TTC39A: variants seen among roughly 807,000 people sequenced by gnomAD.
TTC39A encodes the protein tetratricopeptide repeat domain 39A, also known as tetratricopeptide repeat protein 39A.
In TTC39A, 46 loss-of-function variants were observed where a neutral mutation model predicts 82.3. That is an observed-to-expected ratio of 0.56 (90% confidence interval 0.44 to 0.71). The LOEUF is 0.71. TTC39A is among the 30% of genes least tolerant of loss of function. The pLI is 0.00. For missense variants in TTC39A, 543 were observed against 712.9 expected (o/e 0.76, Z 2.71); for synonymous variants, 254 against 275.2 (o/e 0.92, Z 0.76).
rs900424258 is a variant in TTC39A, at chr1:51,324,989, T to C, written c.42-3164A>G. Reference sequence around the variant, plus strand: ...CCCACATCTGTCTGGGCATGGTGGCTCATGCCTGTAATCCCAGCATTTTTG... The same window carrying C: ...CCCACATCTGTCTGGGCATGGTGGCCCATGCCTGTAATCCCAGCATTTTTG... On this transcript the variant is annotated intron_variant, in intron 1 of 17. Transcript: ENST00000680483. 4.0e-4 allele frequency among the ~76,000 whole-genome samples: 61 copies of C among 152,086 alleles called. 1 individual carries two copies. The highest frequency in any genetic ancestry group is 1.5e-3 in the African/African-American group (61 of 41,498).
At position 51,312,680 on chromosome 1, in the gene TTC39A, T is replaced by G. The variant is rs1275417605; in HGVS notation, c.278+132A>C. 5 of 1,360,454 alleles carry G rather than the reference T, an allele frequency of 3.7e-6. No homozygotes were observed. In the Admixed American group the frequency reaches 1.0e-4, roughly 27 times the overall value. The allele number at this position is 1,360,454 out of a possible 1,614,324, so 84.3% of individuals were successfully genotyped here. A position where few individuals can be genotyped will look rare whatever the true frequency, so the allele number is the denominator to read the frequency against. On this transcript the variant is annotated intron_variant, in intron 3 of 17. Transcript: ENST00000680483. ...GAGGCAGGGCCAACAGGGACAGCTC[T>G]TAGCACATGCAGACACAACCTCTTA...
intron 2 of TTC39A, among the ~76,000 whole-genome samples, chr1:51,320,413 TTTC>T (rs1445730362): frequency 8.3e-6 from 1 of 121,090 alleles, no homozygotes; most frequent in African/African-American, 3.5e-5. Flanking sequence ...TCTTTTTCTT[TTTC>T]TTTTTTTTTT....
intron 2 of TTC39A, among the ~76,000 whole-genome samples, chr1:51,319,790 A>G (rs1645425968): frequency 6.6e-6 from 1 of 151,532 alleles, no homozygotes; most frequent in Non-Finnish European, 1.5e-5. Flanking sequence ...TCCTGGGTTC[A>G]AGCGATCCTC....
At chr1:51,322,298 TCA>T in intron 1 of TTC39A, 2 of 1,429,144 alleles carry the variant, frequency 1.4e-6, no homozygotes, top group South Asian at 3.3e-5. Context: ...CAATGGGCTG[TCA>T]CACTATGGGT....
chr1:51,329,757 T>G (rs971243443), intron 1 of TTC39A: 2 of 152,386 alleles, frequency 1.3e-5, no homozygotes, highest in Admixed American at 6.5e-5. Flanking sequence ...AGCAGAGAGT[T>G]GCTGAAGGTC....
At chr1:51,318,922 G>C (rs1245065747) in intron 2 of TTC39A, among the ~76,000 whole-genome samples, 2 of 152,154 alleles carry the variant, frequency 1.3e-5, no homozygotes, top group Non-Finnish European at 2.9e-5. Flanking sequence ...GGACTAGACA[G>C]ACAGCCAGGG....
At chr1:51,295,967 C>T (rs759250058) in intron 13 of TTC39A, 112 bp downstream of exon 13, 3 of 1,230,232 alleles carry the variant, frequency 2.4e-6, no homozygotes, top group African/African-American at 3.0e-5. Context: ...CAGGGAGCCA[C>T]CCTACTCCTC....
chr1:51,343,976 C>G (rs529902479), intron 1 of TTC39A, among the ~76,000 whole-genome samples: 1 of 152,134 alleles, frequency 6.6e-6, no homozygotes, highest in South Asian at 2.1e-4. Context: ...AAGGGAGAGA[C>G]AGGAGGAGCT....
intron 1 of TTC39A, among the ~76,000 whole-genome samples, chr1:51,344,665 C>T (rs1646075323): frequency 1.3e-5 from 2 of 152,230 alleles, no homozygotes; most frequent in South Asian, 2.1e-4. Flanking sequence ...GCGCAGACGC[C>T]GCTGCCCAAA....
chr1:51,305,098 C>G lies in TTC39A; in HGVS notation c.637G>C (p.Gly213Arg), dbSNP rs759121598. Residue 213 changes from glycine to arginine, a missense_variant, in exon 8 of 18, where the codon GGG (glycine) becomes CGG (arginine). Coordinates refer to ENST00000680483, the MANE Select transcript of TTC39A (RefSeq NM_001297663.2). Reference sequence around the variant, plus strand: ...GTGGTTACCTTGTTTCCTGAAAACCCCACAAACTCCAACAGCCTCAGGATC... The same window carrying G: ...GTGGTTACCTTGTTTCCTGAAAACCGCACAAACTCCAACAGCCTCAGGATC... The part of the protein sequence containing the change: ...TRILRLLEFV[G>R]FSGNKDYGLL... 1 of 1,613,510 alleles carries G rather than the reference C, an allele frequency of 6.2e-7. No homozygotes were observed. The highest frequency in any genetic ancestry group is 1.1e-5 in the South Asian group (1 of 91,062).
chr1:51,330,362 G>A lies in TTC39A; in HGVS notation c.41+75C>T, dbSNP rs1645864577. ...CAGGCCGGTGCGCGGGGGGAGGCCT[G>A]GCGCGGCGCCCGCCACCTGCCCGGG... On this transcript the variant is annotated intron_variant, in intron 1 of 17. Coordinates refer to ENST00000680483, the MANE Select transcript of TTC39A (RefSeq NM_001297663.2). This position sits in a 1 kb window ranked among gnomAD's most constrained non-coding sequence, Gnocchi z 4.5. 4.2e-6 allele frequency: 4 copies of A among 942,204 alleles called. No individual in the cohort carries two copies. The highest frequency in any genetic ancestry group is 1.8e-5 in the African/African-American group (1 of 56,052). The allele number at this position is 942,204 out of a possible 1,614,324, so 58.4% of individuals were successfully genotyped here.
chr1:51,301,947 C>T (rs762093192), intron 11 of TTC39A: 62 of 658,600 alleles, frequency 9.4e-5, no homozygotes, highest in Admixed American at 3.3e-4. Flanking sequence ...GGCTCAAATA[C>T]AGCCCCCGCC....
chr1:51,328,367 G>A (rs1645790941), intron 1 of TTC39A, among the ~76,000 whole-genome samples: 2 of 152,164 alleles, frequency 1.3e-5, no homozygotes, highest in African/African-American at 4.8e-5. Flanking sequence ...ACAAATGGAG[G>A]TGTCTACATA....
intron 2 of TTC39A, among the ~76,000 whole-genome samples, chr1:51,317,344 C>T (rs551292216): frequency 6.6e-6 from 1 of 152,220 alleles, no homozygotes; most frequent in Admixed American, 6.5e-5. Flanking sequence ...GCCAGGGTAT[C>T]CCCACTCCCA....
Position 51,294,603 on chromosome 1 carries a change from C to G in TTC39A, c.1146-92G>C. On this transcript the variant is annotated intron_variant, in intron 13 of 17. Transcript: ENST00000680483. This position sits in a 1 kb window ranked among gnomAD's most constrained non-coding sequence, Gnocchi z 4.3. ...CTACCCAGCTATGCTTGGCGCCTCT[C>G]TGGGCCTCAGTTTCCCCATCTGCAC... is the stretch of plus-strand genomic sequence containing the variant. 6.4e-7 allele frequency: 1 copy of G among 1,559,782 alleles called. No homozygotes were observed. The highest frequency in any genetic ancestry group is 8.7e-7 in the Non-Finnish European group (1 of 1,149,570).
At chr1:51,305,196 G>T (rs1557714838) in intron 7 of TTC39A, 50 bp from the exon 8 acceptor site, 1 of 1,579,104 alleles carries the variant, frequency 6.3e-7, no homozygotes, top group South Asian at 1.1e-5. Flanking sequence ...GAGTGGGCAG[G>T]GGCCACCCCC....
chr1:51,295,387 A>C (rs1490111854), intron 13 of TTC39A, among the ~76,000 whole-genome samples: 2 of 152,000 alleles, frequency 1.3e-5, no homozygotes, highest in Non-Finnish European at 2.9e-5. Flanking sequence ...ATTGGGCTCA[A>C]CCTCACCAAG....
At chr1:51,304,848 C>T (rs1272279630) in intron 8 of TTC39A, among the ~76,000 whole-genome samples, 5 of 152,230 alleles carry the variant, frequency 3.3e-5, no homozygotes, top group Non-Finnish European at 7.3e-5. Context: ...TTCACACCCA[C>T]ACCCACCCAG....
intron 2 of TTC39A, among the ~76,000 whole-genome samples, chr1:51,320,878 T>G (rs1417145489): frequency 8.0e-5 from 12 of 149,614 alleles, no homozygotes; most frequent in East Asian, 1.9e-4. Context: ...CTGGTTTTTT[T>G]TTTTTTTTTT....
Sources: gnomAD v4.1 joint callset for allele counts (sites outside exome capture counted in the v4.1 genomes callset) on GRCh38, gnomAD v4.1.1 for gene constraint, Gnocchi (gnomAD v3.1) non-coding constraint, MANE v1.5 for transcripts, NCBI Gene and HGNC (gene_info 2026-07-23, HGNC 2026-07-21) for gene names.